The following SNRNP200 variants were observed in gnomAD, a reference collection of about 807,000 sequenced individuals.
The protein encoded by SNRNP200 is small nuclear ribonucleoprotein U5 subunit 200, also known as U5 small nuclear ribonucleoprotein 200 kDa helicase.
SNRNP200 carries 66 observed loss-of-function variants against 255.2 expected under a neutral mutation model. The ratio of observed to expected loss-of-function variants is 0.26; its 90% CI spans 0.21 to 0.32. The LOEUF is 0.32. Ranked by LOEUF, SNRNP200 falls within the 10% of genes least tolerant of loss-of-function variation. The pLI is 1.00. For synonymous variants in SNRNP200, 939 were observed against 1,027.8 expected (o/e 0.91, Z 1.65); for missense variants, 1,585 against 2,749.8 (o/e 0.58, Z 9.47).
intron 29 of SNRNP200, among the ~76,000 whole-genome samples, chr2:96,285,896 G>A (rs1442326688): frequency 6.6e-6 from 1 of 152,228 alleles, no homozygotes; most frequent in Non-Finnish European, 1.5e-5. Flanking sequence ...GGCTTGATGG[G>A]AGGAATAAGA....
rs367644930 is a variant in SNRNP200 at position 96,293,307 on chromosome 2, T to G, written c.2036+9A>C. 3 of 1,613,408 alleles carry G rather than the reference T, an allele frequency of 1.9e-6. No individual in the cohort carries two copies. The highest frequency in any genetic ancestry group is 2.5e-6 in the Non-Finnish European group (3 of 1,179,308). ...CCTTGGCAGAACTTTGCCCAGTCTTTCCTGATACCTGTTGTCAAAGTAAAA... is the reference window on the plus strand; with the variant it reads ...CCTTGGCAGAACTTTGCCCAGTCTTGCCTGATACCTGTTGTCAAAGTAAAA... On this transcript the variant is annotated intron_variant, in intron 15 of 44. Coordinates refer to ENST00000323853, the MANE Select transcript of SNRNP200 (RefSeq NM_014014.5).
At chr2:96,297,121 A>G (rs17479466) in intron 11 of SNRNP200, 51 bp from the exon 12 acceptor site, 583,099 of 1,612,756 alleles carry the variant, frequency 0.36, 112,856 homozygotes, top group South Asian at 0.69. Flanking sequence ...TCCTTGAGCA[A>G]AACGTTATTG....
At chr2:96,300,888 A>T in intron 5 of SNRNP200, 110 bp downstream of exon 5, 4 of 919,458 alleles carry the variant, frequency 4.4e-6, no homozygotes, top group Non-Finnish European at 7.2e-6. Flanking sequence ...CCCATACAAC[A>T]CCATAAAATT....
In SNRNP200 at chr2:96,284,366, C is replaced by T. The variant is rs1170331545; in HGVS notation, c.4384G>A (p.Glu1462Lys). Residue 1462 changes from glutamate (E) to lysine (K), a missense_variant, in exon 31 of 45, where the codon GAG (glutamate) becomes AAG (lysine). By Grantham distance (56) the Glu-to-Lys change is moderately conservative. Around this residue, in one of 9 missense-constraint regions of SNRNP200, gnomAD observed 719 missense variants for 1,091.1 expected, o/e 0.66. Coordinates refer to ENST00000323853, the MANE Select transcript of SNRNP200 (RefSeq NM_014014.5). The part of the protein sequence containing the change: ...VVDEVHLIGG[E>K]NGPVLEVICS... ...GCAAGGTCACGCCATACCCCATTCT[C>T]GCCCCCGATAAGGTGGACCTCATCC... 3.1e-6 allele frequency: 5 copies of T among 1,613,732 alleles called. No homozygotes were observed. The highest frequency in any genetic ancestry group is 1.7e-4 in the Middle Eastern group (1 of 6,018).
intron 16 of SNRNP200, 123 bp downstream of exon 16, chr2:96,292,849 G>A: frequency 8.8e-7 from 1 of 1,135,566 alleles, no homozygotes; most frequent in Non-Finnish European, 1.3e-6. Flanking sequence ...CCATTTCATA[G>A]CTGATATTGG....
rs2063982236 is a variant in SNRNP200 at position 96,305,478 on chromosome 2, T to C, written c.-41A>G. 1 of 1,612,894 alleles carries C rather than the reference T, an allele frequency of 6.2e-7. No homozygotes were observed. The highest frequency in any genetic ancestry group is 1.3e-5 in the African/African-American group (1 of 75,030). ...GAGGCTTCAGACCACCACGCCTCCC[T>C]ACCGCAAGCTGCAAACGGCCGCAGA... On this transcript the variant is annotated 5_prime_UTR_variant, in exon 1 of 45. Transcript: ENST00000323853.
intron 12 of SNRNP200, 83 bp from the exon 13 acceptor site, chr2:96,296,774 A>G: frequency 6.4e-7 from 1 of 1,572,900 alleles, no homozygotes; most frequent in South Asian, 1.1e-5. Context: ...TTTCCCAAAT[A>G]GAGAATAGAG....
At chr2:96,282,380 G>A (rs909494238) in intron 34 of SNRNP200, 10 of 196,962 alleles carry the variant, frequency 5.1e-5, no homozygotes, top group Admixed American at 1.1e-4. Context: ...GTATTAAAAC[G>A]TAAATCTTTG....
chr2:96,289,802 G>T lies in SNRNP200; in HGVS notation c.2937C>A (p.Phe979Leu). Residue 979 changes from phenylalanine to leucine, a missense_variant, in exon 21 of 45, where the codon TTC becomes TTA. This residue lies in a region of SNRNP200 where 719 missense variants were observed against 1,091.1 expected (regional missense o/e 0.66). Transcript: ENST00000323853. ...TCAAAACCCTCACCCCACGCACCTG[G>T]AAGTTGCCCGTCTTCTTGTCGTACT... Reference protein sequence around the residue: ...LVKYDKKTGNFQVTELGRIAS... With the variant: ...LVKYDKKTGNLQVTELGRIAS... 1 of 1,614,004 alleles carries T rather than the reference G, an allele frequency of 6.2e-7. No individual in the cohort carries two copies. The highest frequency in any genetic ancestry group is 8.5e-7 in the Non-Finnish European group (1 of 1,180,018).
In SNRNP200 at chr2:96,286,438, C is replaced by A. The variant is rs115923152; in HGVS notation, c.3876G>T (p.Pro1292=). 1 of 1,614,030 alleles carries A rather than the reference C, an allele frequency of 6.2e-7. No homozygotes were observed. The highest frequency in any genetic ancestry group is 8.5e-7 in the Non-Finnish European group (1 of 1,180,038). Residue 1292 remains proline, a synonymous_variant, in exon 29 of 45, where the codon CCG becomes CCT. Transcript: ENST00000323853. The surrounding 1 kb of genome is among the most constrained non-coding windows in gnomAD (Gnocchi z 4.8). ...GTTCGGTTGGAGGGGGGTACTTCTC[C>A]GGCAAGATCAGGTGCCGGAAGGAGA... The part of the protein sequence containing the change: ...LPVSFRHLIL[P]EKYPPPTELL...
rs1574004092 is a variant in SNRNP200, at chr2:96,305,498, C to G, written c.-61G>C. 1 of 1,607,848 alleles carries G rather than the reference C, an allele frequency of 6.2e-7. No homozygotes were observed. The highest frequency in any genetic ancestry group is 1.7e-4 in the Middle Eastern group (1 of 6,054). On this transcript the variant is annotated 5_prime_UTR_variant, in exon 1 of 45. Transcript: ENST00000323853. Reference sequence around the variant, plus strand: ...CTCCCTACCGCAAGCTGCAAACGGCCGCAGATCTCTGCTCCCGCCGCGCCG... The same window carrying G: ...CTCCCTACCGCAAGCTGCAAACGGCGGCAGATCTCTGCTCCCGCCGCGCCG...
At position 96,274,620 on chromosome 2, in the gene SNRNP200, G is replaced by C. The variant is rs1396501236; in HGVS notation, c.*392C>G. The C allele has an allele frequency of 8.7e-6, 3 of 346,226 alleles. No homozygotes were observed. Among genetic ancestry groups the C allele is most frequent in the African/African-American group, 6.4e-5 (3 of 46,666 alleles). 21.4% of individuals were successfully genotyped at this position (346,226 alleles called of 1,614,324 possible). ...ACCTAATGAGCAGGTCTGTCCTCCAGACATACTCATTAACAAGCACGTTCC... is the reference window on the plus strand; with the variant it reads ...ACCTAATGAGCAGGTCTGTCCTCCACACATACTCATTAACAAGCACGTTCC... On this transcript the variant is annotated 3_prime_UTR_variant, in exon 45 of 45. Coordinates refer to ENST00000323853, the MANE Select transcript of SNRNP200 (RefSeq NM_014014.5).
At chr2:96,284,229 T>C in intron 31 of SNRNP200, 129 bp downstream of exon 31, 3 of 912,814 alleles carry the variant, frequency 3.3e-6, no homozygotes, top group Non-Finnish European at 5.3e-6. Context: ...CCCTTTGGAA[T>C]AGGGCAGCAG....
At position 96,291,553 on chromosome 2, in the gene SNRNP200, C is replaced by T; in HGVS notation, c.2311-51G>A. 1 of 1,338,370 alleles carries T rather than the reference C, an allele frequency of 7.5e-7. No individual in the cohort carries two copies. Among genetic ancestry groups the T allele is most frequent in the East Asian group, 2.3e-5 (1 of 43,618 alleles). The allele number at this position is 1,338,370 out of a possible 1,614,324, so 82.9% of individuals were successfully genotyped here. A position where few individuals can be genotyped will look rare whatever the true frequency, so the allele number is the denominator to read the frequency against. Reference sequence around the variant, plus strand: ...GGCGAGCCTTCCTGTAGGACTCATCCAAGGACTAAGGAAATCTCCTCCCAT... The same window carrying T: ...GGCGAGCCTTCCTGTAGGACTCATCTAAGGACTAAGGAAATCTCCTCCCAT... On this transcript the variant is annotated intron_variant, in intron 17 of 44. Coordinates refer to ENST00000323853, the MANE Select transcript of SNRNP200 (RefSeq NM_014014.5). This position sits in a 1 kb window ranked among gnomAD's most constrained non-coding sequence, Gnocchi z 4.2.
In SNRNP200 at chr2:96,290,529, G is replaced by A; in HGVS notation, c.2554-15C>T. On this transcript the variant is annotated splice_polypyrimidine_tract_variant and intron_variant, in intron 19 of 44. Coordinates refer to ENST00000323853, the MANE Select transcript of SNRNP200 (RefSeq NM_014014.5). The surrounding 1 kb of genome is among the most constrained non-coding windows in gnomAD (Gnocchi z 4.5). ...CGTCCCAGCATCTAGATCAGAGACA[G>A]CGAACCAAGAATGCTATGTCAAGAG... 1 of 1,614,184 alleles carries A rather than the reference G, an allele frequency of 6.2e-7. No individual in the cohort carries two copies. Among genetic ancestry groups the A allele is most frequent in the Non-Finnish European group, 8.5e-7 (1 of 1,180,020 alleles).
rs962799540 is a variant in SNRNP200, at chr2:96,290,932, G to A, written c.2422-117C>T. 13 of 1,205,384 alleles carry A rather than the reference G, an allele frequency of 1.1e-5. No individual in the cohort carries two copies. Among genetic ancestry groups the A allele is most frequent in the South Asian group, 5.0e-5 (4 of 79,472 alleles). 74.7% of individuals were successfully genotyped at this position (1,205,384 alleles called of 1,614,324 possible). On this transcript the variant is annotated intron_variant, in intron 18 of 44. Transcript: ENST00000323853. The surrounding 1 kb of genome is among the most constrained non-coding windows in gnomAD (Gnocchi z 4.5). Reference sequence around the variant, plus strand: ...CTCTCAGGACTAGCCGGTAGGGCGCGTGGGGTCCCAGTACTTGTCAATGTG... The same window carrying A: ...CTCTCAGGACTAGCCGGTAGGGCGCATGGGGTCCCAGTACTTGTCAATGTG...
intron 9 of SNRNP200, 114 bp downstream of exon 9, chr2:96,298,170 A>G (rs761162548): frequency 1.0e-5 from 15 of 1,499,324 alleles, no homozygotes; most frequent in Non-Finnish European, 1.4e-5. Context: ...ACCCCAAAGA[A>G]TTTAGGAAAT....
At position 96,297,001 on chromosome 2, in the gene SNRNP200, G is replaced by A. The variant is rs759631586; in HGVS notation, c.1447C>T (p.Arg483Trp). 1.2e-6 allele frequency: 2 copies of A among 1,614,200 alleles called. No homozygotes were observed. Among genetic ancestry groups the A allele is most frequent in the South Asian group, 1.1e-5 (1 of 91,086 alleles). ...AGFEGFKTLNRIQSKLYRAAL... is the reference protein window; with the variant it reads ...AGFEGFKTLNWIQSKLYRAAL... ...GCACGGTAGAGCTTACTCTGGATCC[G>A]ATTCAGTGTTTTGAAGCCCTCAAAC... The change falls in exon 12 of 45, where the codon CGG becomes TGG. Residue 483 changes from arginine (R) to tryptophan (W), a missense_variant. Transcript: ENST00000323853.
chr2:96,285,373 T>C (rs1250269371), intron 29 of SNRNP200, 33 bp from the exon 30 acceptor site: 17 of 1,611,332 alleles, frequency 1.1e-5, no homozygotes, highest in Non-Finnish European at 1.4e-5. Flanking sequence ...AGTGTAAGTA[T>C]CAAGAAGGAA....
Sources: gnomAD v4.1 joint callset for allele counts (sites outside exome capture counted in the v4.1 genomes callset) on GRCh38, gnomAD v4.1.1 for gene constraint, gnomAD v4.1.1 regional missense constraint, Gnocchi (gnomAD v3.1) non-coding constraint, MANE v1.5 for transcripts, NCBI Gene and HGNC (gene_info 2026-07-23, HGNC 2026-07-21) for gene names.